KATNIP: variants seen among roughly 807,000 people sequenced by gnomAD.
KATNIP encodes the protein katanin-interacting protein.
KATNIP carries 126 observed loss-of-function variants against 174.0 expected under a neutral mutation model. The ratio of observed to expected loss-of-function variants is 0.72; its 90% CI spans 0.63 to 0.84. The LOEUF (loss-of-function observed/expected upper bound fraction) is 0.84, where lower values mean the gene tolerates loss of function less well. Among genes scored for constraint, KATNIP ranks in the 40% least tolerant of loss-of-function variants. KATNIP has a pLI of 0.00. For synonymous variants in KATNIP, 810 were observed against 835.7 expected, an observed-to-expected ratio of 0.97 and a Z score of 0.53; for missense variants, 1,958 against 2,109.7, an observed-to-expected ratio of 0.93 and a Z score of 1.41.
chr16:27,642,799 G>C (rs953772696), intron 5 of KATNIP, among the ~76,000 whole-genome samples: 7 of 145,822 alleles, frequency 4.8e-5, no homozygotes, highest in African/African-American at 1.8e-4. Flanking sequence ...GTGGAGACAA[G>C]GTCTCACCGT....
In KATNIP at chr16:27,740,361, G is replaced by C. The variant is rs777898869; in HGVS notation, c.2064G>C (p.Arg688Ser). 2 of 1,614,040 alleles carry C rather than the reference G, an allele frequency of 1.2e-6. No homozygotes were observed. Residue 688 changes from arginine (R) to serine (S), a missense_variant, in exon 15 of 28, where the codon AGG becomes AGC. Arg to Ser is a moderately radical substitution (Grantham distance 110). This residue lies in a region of KATNIP where 1,557 missense variants were observed against 1,617.8 expected (regional missense o/e 0.96). Transcript: ENST00000261588. ...AAAGAAAGAATTCTACTAATTGCAGGAAAGACAGTTTGTCCCAGTTAGAGG... is the reference window on the plus strand; with the variant it reads ...AAAGAAAGAATTCTACTAATTGCAGCAAAGACAGTTTGTCCCAGTTAGAGG... ...SGKRKNSTNCRKDSLSQLEEY... is the reference protein window; with the variant it reads ...SGKRKNSTNCSKDSLSQLEEY...
chr16:27,597,392 A>ATTTTC (rs2075367561), intron 2 of KATNIP, among the ~76,000 whole-genome samples: 1 of 40,402 alleles, frequency 2.5e-5, no homozygotes, highest in African/African-American at 8.0e-5. Flanking sequence ...TTTTTAATGT[A>ATTTTC]TTTTCTTTTC....
intron 2 of KATNIP, among the ~76,000 whole-genome samples, chr16:27,592,270 CTTTTTTTTTTTTTTTT>C (rs71137799): frequency 4.5e-5 from 2 of 44,822 alleles, no homozygotes; most frequent in South Asian, 1.8e-3. Context: ...GCATATATTA[CTTTTTTTTTTTTTTTT>C]TTTTTTTTTT....
chr16:27,698,547 G>C, intron 9 of KATNIP, 47 bp downstream of exon 9: 1 of 1,537,180 alleles, frequency 6.5e-7, no homozygotes, highest in Non-Finnish European at 8.8e-7. Context: ...CCCTGGACTG[G>C]GCAGTGTCTG....
intron 1 of KATNIP, among the ~76,000 whole-genome samples, chr16:27,553,918 C>T (rs979568245): frequency 5.3e-5 from 8 of 149,658 alleles, no homozygotes; most frequent in African/African-American, 2.0e-4. Context: ...TGTGCCACTG[C>T]ACTCCAGCCT....
intron 8 of KATNIP, among the ~76,000 whole-genome samples, chr16:27,696,731 CTTT>C (rs796886653): frequency 7.1e-6 from 1 of 140,626 alleles, no homozygotes; most frequent in Non-Finnish European, 1.6e-5. Context: ...CATTTTTTTT[CTTT>C]TTTTTTTTTT....
rs756856294 is a variant in KATNIP, at chr16:27,754,349, G to T, written c.3631+98G>T. On this transcript the variant is annotated intron_variant, in intron 18 of 27. Coordinates refer to ENST00000261588, the MANE Select transcript of KATNIP (RefSeq NM_015202.5). ...GGGACAGGGTTTCGCTGGACAATCGGGTGGGTTGGACACTGTACAGAGACA... is the reference window on the plus strand; with the variant it reads ...GGGACAGGGTTTCGCTGGACAATCGTGTGGGTTGGACACTGTACAGAGACA... The T allele has an allele frequency of 7.4e-5, 76 of 1,025,522 alleles. No individual in the cohort carries two copies. The Middle Eastern group carries it at 2.3e-3, about 32-fold the overall frequency. The allele number at this position is 1,025,522 out of a possible 1,614,324, so 63.5% of individuals were successfully genotyped here.
Position 27,625,573 on chromosome 16 carries a change from A to G in KATNIP, c.141-3088A>G, listed in dbSNP as rs111991907. Among the ~76,000 whole-genome samples the G allele has an allele frequency of 1.1e-4, 16 of 152,370 alleles. No individual in the cohort carries two copies. In the Middle Eastern group the frequency reaches 0.014, roughly 130 times the overall value. ...TTCCGTTTTATGTTGTTGCCCAACAATCAGGCATCTCCCAGGCTTCCAAGG... is the reference window on the plus strand; with the variant it reads ...TTCCGTTTTATGTTGTTGCCCAACAGTCAGGCATCTCCCAGGCTTCCAAGG... On this transcript the variant is annotated intron_variant, in intron 3 of 27. Transcript: ENST00000261588.
rs576857058 is a variant in KATNIP, at chr16:27,602,988, C to T, written c.64-15437C>T. Among the ~76,000 whole-genome samples the T allele has an allele frequency of 3.0e-4, 45 of 152,340 alleles. No individual in the cohort carries two copies. In the South Asian group the frequency reaches 8.9e-3, roughly 30 times the overall value. ...GTGCTGGGATTACAGGCATGAGCCACGGCACCCAGCTGATGCCAGGGCTTT... is the reference window on the plus strand; with the variant it reads ...GTGCTGGGATTACAGGCATGAGCCATGGCACCCAGCTGATGCCAGGGCTTT... On this transcript the variant is annotated intron_variant, in intron 2 of 27. Coordinates refer to ENST00000261588, the MANE Select transcript of KATNIP (RefSeq NM_015202.5).
rs1397845545 is a variant in KATNIP, at chr16:27,698,359, T to G, written c.972T>G (p.Ser324=). ...RPGSRRERPL[S]ATRKTLCEAE... is the part of the protein sequence containing the mutation. ...GAAGCCGGCGAGAGAGACCCCTGTC[T>G]GCAACCCGCAAAACTCTTTGCGAGG... The change falls in exon 9 of 28, where the codon TCT becomes TCG. Residue 324 remains serine, a synonymous_variant. Transcript: ENST00000261588. 1 of 1,612,434 alleles carries G rather than the reference T, an allele frequency of 6.2e-7. No individual in the cohort carries two copies.
At chr16:27,750,396 C>A in intron 16 of KATNIP, 90 bp downstream of exon 16, 199 of 1,082,592 alleles carry the variant, frequency 1.8e-4, no homozygotes, top group Non-Finnish European at 2.5e-4. Flanking sequence ...GGCTAGCCAA[C>A]AACAGATCAG....
At chr16:27,604,842 G>A (rs1357972375) in intron 2 of KATNIP, among the ~76,000 whole-genome samples, 2 of 152,238 alleles carry the variant, frequency 1.3e-5, no homozygotes, top group East Asian at 3.9e-4. Flanking sequence ...TTATGTCTAT[G>A]GTTACCTTCT....
Position 27,624,713 on chromosome 16 carries a change from G to A in KATNIP, c.141-3948G>A, listed in dbSNP as rs369087259. Among the ~76,000 whole-genome samples the A allele has an allele frequency of 1.8e-4, 28 of 152,194 alleles. No individual in the cohort carries two copies. The East Asian group carries it at 3.5e-3, about 19-fold the overall frequency. On this transcript the variant is annotated intron_variant, in intron 3 of 27. Coordinates refer to ENST00000261588, the MANE Select transcript of KATNIP (RefSeq NM_015202.5). ...CACGCACCTGTAGTCCCTGCTACTC[G>A]AGAGGCTGAGGTGGGAGGATTGCTT...
chr16:27,735,170 A>G (rs543992084), intron 14 of KATNIP, among the ~76,000 whole-genome samples: 1 of 152,092 alleles, frequency 6.6e-6, no homozygotes, highest in Non-Finnish European at 1.5e-5. Flanking sequence ...TGACCCCTGC[A>G]TACCACTGAT....
intron 14 of KATNIP, among the ~76,000 whole-genome samples, chr16:27,731,601 G>T (rs569486103): frequency 6.6e-6 from 1 of 151,840 alleles, no homozygotes; most frequent in African/African-American, 2.4e-5. Flanking sequence ...CCCATTTCAC[G>T]GCCCTGTCTT....
At chr16:27,655,220 ATATATATATT>A (rs1567260159) in intron 6 of KATNIP, among the ~76,000 whole-genome samples, 4 of 91,636 alleles carry the variant, frequency 4.4e-5, no homozygotes, top group African/African-American at 1.3e-4. Flanking sequence ...ATATATATAT[ATATATATATT>A]TTGTTTGTTT....
rs187220558 is a variant in KATNIP, at chr16:27,749,493, T to A, written c.2624-91T>A. On this transcript the variant is annotated intron_variant, in intron 15 of 27. Coordinates refer to ENST00000261588, the MANE Select transcript of KATNIP (RefSeq NM_015202.5). ...TCCCCTGGAGGTGGCCCTGCCTCACTGAGAGCCACCACAGGAGACAGTCTC... is the reference window on the plus strand; with the variant it reads ...TCCCCTGGAGGTGGCCCTGCCTCACAGAGAGCCACCACAGGAGACAGTCTC... 2.1e-6 allele frequency: 3 copies of A among 1,435,156 alleles called. No homozygotes were observed. In the East Asian group the frequency reaches 7.2e-5, roughly 34 times the overall value. The allele number at this position is 1,435,156 out of a possible 1,614,324, so 88.9% of individuals were successfully genotyped here. A position where few individuals can be genotyped will look rare whatever the true frequency, so the allele number is the denominator to read the frequency against.
chr16:27,681,299 TG>T, intron 7 of KATNIP, 99 bp from the exon 8 acceptor site: 1 of 1,450,812 alleles, frequency 6.9e-7, no homozygotes, highest in Non-Finnish European at 9.6e-7. Context: ...CGTAGACATT[TG>T]TTGAATGAGT....
intron 6 of KATNIP, among the ~76,000 whole-genome samples, chr16:27,660,623 G>C (rs2077444139): frequency 7.1e-6 from 1 of 141,576 alleles, no homozygotes; most frequent in African/African-American, 2.6e-5. Flanking sequence ...TGGAGCTCTG[G>C]CTCATATCAG....
Sources: gnomAD v4.1 joint callset for allele counts (sites outside exome capture counted in the v4.1 genomes callset) on GRCh38, gnomAD v4.1.1 for gene constraint, gnomAD v4.1.1 regional missense constraint, MANE v1.5 for transcripts, NCBI Gene and HGNC (gene_info 2026-07-23, HGNC 2026-07-21) for gene names.